Variants in CELF2 observed in about 807,000 individuals in gnomAD.
The protein encoded by CELF2 is CUGBP Elav-like family member 2.
A neutral mutation model predicts 62.6 loss-of-function variants in CELF2; 8 were observed. The ratio of observed to expected loss-of-function variants is 0.13; its 90% CI spans 0.07 to 0.23. The LOEUF (loss-of-function observed/expected upper bound fraction) is 0.23. Ranked by LOEUF, CELF2 falls within the 10% of genes least tolerant of loss-of-function variation. The probability of loss-of-function intolerance (pLI) is 1.00; values close to 1 mark genes in which losing one functional copy is unlikely to be tolerated. For synonymous variants in CELF2, 258 were observed against 250.0 expected, an observed-to-expected ratio of 1.03 and a Z score of -0.30; for missense variants, 333 against 671.0, an observed-to-expected ratio of 0.50 and a Z score of 5.56.
chr10:10,658,923 G>A, the CELF2 span, among the ~76,000 whole-genome samples: 1 of 152,128 alleles, frequency 6.6e-6, no homozygotes, highest in Non-Finnish European at 1.5e-5. Context: ...TGCAATGAAA[G>A]AGCTTTCTCT....
chr10:10,583,029 C>T, the CELF2 span, among the ~76,000 whole-genome samples: 23 of 152,104 alleles, frequency 1.5e-4, no homozygotes, highest in Non-Finnish European at 2.9e-5. Context: ...TTCAAGACCA[C>T]GTAGCATAAA....
At chr10:11,146,535 A>G (rs574251581) in intron 1 of CELF2, among the ~76,000 whole-genome samples, 3 of 152,290 alleles carry the variant, frequency 2.0e-5, no homozygotes, top group South Asian at 2.1e-4. Flanking sequence ...GTCTGTGGTC[A>G]TGGTTAACTG....
chr10:10,953,897 G>C (rs2048593378), intron 2 of CELF2, among the ~76,000 whole-genome samples: 1 of 151,148 alleles, frequency 6.6e-6, no homozygotes, highest in Admixed American at 6.6e-5. Context: ...AATATATCAA[G>C]GGTTGATACA....
chr10:10,957,264 T>G lies in CELF2; in HGVS notation c.89+37265T>G, dbSNP rs1356729392. On this transcript the variant is annotated intron_variant, in intron 2 of 13. Transcript: ENST00000636488. The surrounding 1 kb of genome is among the most constrained non-coding windows in gnomAD (Gnocchi z 4.1). The stretch of plus-strand genomic sequence containing the variant: ...TTATGTATTTAGATATGACCTCAGG[T>G]GCTGGTAAAGTTATTGAAAGAAGTA... 1.3e-5 allele frequency among the ~76,000 whole-genome samples: 2 copies of G among 152,216 alleles called. No individual in the cohort carries two copies. Among genetic ancestry groups the G allele is most frequent in the Non-Finnish European group, 2.9e-5 (2 of 68,044 alleles).
At chr10:10,730,621 G>T in the CELF2 span, among the ~76,000 whole-genome samples, 1 of 152,232 alleles carries the variant, frequency 6.6e-6, no homozygotes, top group African/African-American at 2.4e-5. Flanking sequence ...AAGAAGGAAA[G>T]CTAAAATATT....
intron 1 of CELF2, among the ~76,000 whole-genome samples, chr10:11,082,983 T>C (rs1159344980): frequency 1.3e-5 from 2 of 152,220 alleles, no homozygotes; most frequent in Non-Finnish European, 2.9e-5. Flanking sequence ...AATAAATAGA[T>C]GTCAGATAAA....
intron 3 of CELF2, among the ~76,000 whole-genome samples, chr10:11,233,691 A>G (rs570045919): frequency 2.0e-5 from 3 of 152,330 alleles, no homozygotes; most frequent in South Asian, 2.1e-4. Context: ...TCCTCTTCCT[A>G]CATACACTTC....
chr10:10,781,585 A>G, the CELF2 span, among the ~76,000 whole-genome samples: 6 of 152,302 alleles, frequency 3.9e-5, no homozygotes, highest in Admixed American at 2.6e-4. Context: ...CAGCACAAGA[A>G]AAACCTGCCT....
intron 2 of CELF2, among the ~76,000 whole-genome samples, chr10:11,176,106 A>C (rs1451948968): frequency 1.3e-5 from 2 of 152,212 alleles, no homozygotes; most frequent in Non-Finnish European, 2.9e-5. Context: ...AGAACATTAG[A>C]GGAACCAAGG....
chr10:11,061,558 C>G (rs1471140802), intron 1 of CELF2, among the ~76,000 whole-genome samples: 1 of 152,216 alleles, frequency 6.6e-6, no homozygotes, highest in Non-Finnish European at 1.5e-5. Context: ...AAACAGCCTG[C>G]TATTGGAAGA....
chr10:10,775,366 C>T, the CELF2 span, among the ~76,000 whole-genome samples: 1 of 151,980 alleles, frequency 6.6e-6, no homozygotes, highest in Non-Finnish European at 1.5e-5. Flanking sequence ...TGCGGTGGCT[C>T]ACACCTGTAA....
chr10:10,659,584 C>G, the CELF2 span, among the ~76,000 whole-genome samples: 15 of 152,266 alleles, frequency 9.9e-5, no homozygotes, highest in South Asian at 2.5e-3. Context: ...CATACCTTAC[C>G]TGTCCTATTG....
At chr10:11,129,198 T>C (rs1436534524) in intron 1 of CELF2, among the ~76,000 whole-genome samples, 1 of 152,238 alleles carries the variant, frequency 6.6e-6, no homozygotes, top group Non-Finnish European at 1.5e-5. Flanking sequence ...TTGTGTATGT[T>C]GAACCAGCCT....
the CELF2 span, among the ~76,000 whole-genome samples, chr10:10,689,059 CAT>C: frequency 2.6e-5 from 4 of 152,026 alleles, no homozygotes; most frequent in African/African-American, 9.7e-5. Flanking sequence ...AATATGGTAT[CAT>C]TTCTGAGTTC....
At chr10:10,593,798 C>T in the CELF2 span, among the ~76,000 whole-genome samples, 1 of 152,204 alleles carries the variant, frequency 6.6e-6, no homozygotes, top group Admixed American at 6.5e-5. Context: ...GGATTTGAAT[C>T]TTGGCTCCAC....
chr10:11,067,100 A>G (rs1014321672), intron 1 of CELF2, among the ~76,000 whole-genome samples: 17 of 152,068 alleles, frequency 1.1e-4, no homozygotes, highest in Admixed American at 7.9e-4. Flanking sequence ...TAGCTTTTTT[A>G]TGTCTTTTAG....
intron 1 of CELF2, among the ~76,000 whole-genome samples, chr10:10,874,823 A>G (rs2060983041): frequency 6.6e-6 from 1 of 152,230 alleles, no homozygotes; most frequent in Admixed American, 6.5e-5. Context: ...AAGCATTTCA[A>G]TACCTGTTCT....
rs1407319389 is a variant in CELF2 at position 11,012,796 on chromosome 10, C to T, written c.53+7356C>T. ...TGTAAATTTTGTTCCTGCCGCCAGG[C>T]TGGCACCAGATAAGGGCACTTGGTA... On this transcript the variant is annotated intron_variant, in intron 1 of 12. Transcript: ENST00000416382. The surrounding 1 kb of genome is among the most constrained non-coding windows in gnomAD (Gnocchi z 5.5). Among the ~76,000 whole-genome samples the T allele has an allele frequency of 1.3e-5, 2 of 152,216 alleles. No individual in the cohort carries two copies. The highest frequency in any genetic ancestry group is 1.3e-4 in the Admixed American group (2 of 15,284).
chr10:11,273,173 G>A (rs901949845), intron 7 of CELF2, among the ~76,000 whole-genome samples: 19 of 151,958 alleles, frequency 1.3e-4, no homozygotes, highest in African/African-American at 3.9e-4. Context: ...TAATACCGTC[G>A]TACCTGAGGC....
Sources: allele counts gnomAD v4.1 joint callset (sites outside exome capture counted in the v4.1 genomes callset), GRCh38; gene constraint gnomAD v4.1.1; non-coding constraint Gnocchi (gnomAD v3.1); transcripts MANE v1.5; gene names NCBI Gene and HGNC (gene_info 2026-07-23, HGNC 2026-07-21).